The following RNLS variants were observed in gnomAD, a reference collection of about 807,000 sequenced individuals.
The protein encoded by RNLS is renalase.
A neutral mutation model predicts 39.8 loss-of-function variants in RNLS; 39 were observed. The observed-to-expected ratio is 0.98, with a 90% CI of 0.76 to 1.28. The LOEUF is 1.28. Ranked by LOEUF, RNLS falls within the 50% of genes most tolerant of loss-of-function variation. The pLI, the probability that RNLS is intolerant of heterozygous loss-of-function variation, is 0.00. For missense variants in RNLS, 410 were observed against 413.3 expected, an observed-to-expected ratio of 0.99 and a Z score of 0.07; for synonymous variants, 147 against 150.7, an observed-to-expected ratio of 0.98 and a Z score of 0.18.
At chr10:88,191,325 C>T in the RNLS span, among the ~76,000 whole-genome samples, 1 of 152,184 alleles carries the variant, frequency 6.6e-6, no homozygotes, top group Non-Finnish European at 1.5e-5. Context: ...ACTCTTGGGT[C>T]TGAGTCCCAG....
chr10:88,392,477 T>C (rs1321630876), intron 4 of RNLS, among the ~76,000 whole-genome samples: 1 of 152,204 alleles, frequency 6.6e-6, no homozygotes, highest in Non-Finnish European at 1.5e-5. Context: ...GTGCTCCAAA[T>C]GCACACAGAG....
At chr10:88,391,513 G>A (rs780587945) in intron 4 of RNLS, among the ~76,000 whole-genome samples, 5 of 152,128 alleles carry the variant, frequency 3.3e-5, no homozygotes, top group Admixed American at 6.5e-5. Flanking sequence ...AGCCAAGGTC[G>A]CGCCACTGCA....
At chr10:88,180,731 G>A in the RNLS span, among the ~76,000 whole-genome samples, 1 of 152,120 alleles carries the variant, frequency 6.6e-6, no homozygotes, top group Non-Finnish European at 1.5e-5. Context: ...AGATATACAA[G>A]TATTGAACAG....
intron 4 of RNLS, among the ~76,000 whole-genome samples, chr10:88,498,851 T>A (rs2134097530): frequency 6.6e-6 from 1 of 152,236 alleles, no homozygotes; most frequent in Admixed American, 6.5e-5. Context: ...ATAGGAATTC[T>A]TTGTAAATCT....
At chr10:88,456,424 T>C (rs1842630731) in intron 4 of RNLS, among the ~76,000 whole-genome samples, 1 of 152,008 alleles carries the variant, frequency 6.6e-6, no homozygotes, top group Non-Finnish European at 1.5e-5. Flanking sequence ...GGTAAAAATA[T>C]GAGTATGAGA....
chr10:88,575,212 GTGTATA>G (rs1227141022), intron 3 of RNLS, among the ~76,000 whole-genome samples: 2 of 100,402 alleles, frequency 2.0e-5, no homozygotes, highest in Admixed American at 2.2e-4. Context: ...ATATATGTGT[GTGTATA>G]TATATATATA....
the RNLS span, among the ~76,000 whole-genome samples, chr10:88,192,101 T>C: frequency 1.3e-5 from 2 of 151,970 alleles, no homozygotes; most frequent in Non-Finnish European, 2.9e-5. Context: ...AAGAGACAGA[T>C]TATCTTTATG....
In RNLS at chr10:88,429,181, C is replaced by T. The variant is rs375262436; in HGVS notation, c.527-66456G>A. 6.6e-5 allele frequency among the ~76,000 whole-genome samples: 10 copies of T among 151,884 alleles called. No individual in the cohort carries two copies. In the East Asian group the frequency reaches 7.7e-4, roughly 12 times the overall value. ...AAACCTGGGTTGGAGCCAGGGCCGC[C>T]ACTTTCTAGCAGTGGAATCTTGGAC... On this transcript the variant is annotated intron_variant, in intron 4 of 6. Coordinates refer to ENST00000331772, the MANE Select transcript of RNLS (RefSeq NM_001031709.3).
chr10:88,520,548 G>A (rs920914617), intron 4 of RNLS, among the ~76,000 whole-genome samples: 5 of 152,004 alleles, frequency 3.3e-5, no homozygotes, highest in Non-Finnish European at 7.4e-5. Context: ...TGGCATATTA[G>A]TTAAGAAAAG....
intron 4 of RNLS, among the ~76,000 whole-genome samples, chr10:88,530,129 C>T (rs180908366): frequency 5.9e-5 from 9 of 152,270 alleles, no homozygotes; most frequent in Non-Finnish European, 1.0e-4. Flanking sequence ...ATCCTGGCTC[C>T]AAGGCCTTTA....
chr10:88,572,320 A>G (rs1849885292), intron 4 of RNLS, among the ~76,000 whole-genome samples: 1 of 152,238 alleles, frequency 6.6e-6, no homozygotes, highest in Admixed American at 6.5e-5. Context: ...GAATAATGCT[A>G]AACCAACTGC....
the RNLS span, among the ~76,000 whole-genome samples, chr10:88,258,423 C>T: frequency 6.6e-6 from 1 of 152,150 alleles, no homozygotes; most frequent in African/African-American, 2.4e-5. Context: ...AACTCACTTG[C>T]TCTGATACAT....
intron 4 of RNLS, among the ~76,000 whole-genome samples, chr10:88,377,665 T>G (rs1319451605): frequency 6.6e-6 from 1 of 152,190 alleles, no homozygotes; most frequent in South Asian, 2.1e-4. Flanking sequence ...ACACTTACCA[T>G]AGATAGAGAT....
Position 88,306,362 on chromosome 10 carries a change from C to A in RNLS, c.876+8104G>T, listed in dbSNP as rs1312917971. On this transcript the variant is annotated intron_variant, in intron 6 of 6. Coordinates refer to ENST00000331772, the MANE Select transcript of RNLS (RefSeq NM_001031709.3). ...TGAAAGAGATTGAGACACAAAAAAA[C>A]CATTCAAAATATCGATGAATTCAGG... is the stretch of plus-strand genomic sequence containing the variant. Among the ~76,000 whole-genome samples the A allele has an allele frequency of 3.9e-5, 6 of 152,080 alleles. No homozygotes were observed. In the South Asian group the frequency reaches 6.2e-4, roughly 16 times the overall value.
chr10:88,204,147 G>A, the RNLS span, among the ~76,000 whole-genome samples: 1 of 152,136 alleles, frequency 6.6e-6, no homozygotes, highest in Non-Finnish European at 1.5e-5. Context: ...TCAGACCATG[G>A]TCTGTGCTTG....
At chr10:88,387,049 G>T (rs1851901265) in intron 4 of RNLS, among the ~76,000 whole-genome samples, 1 of 152,138 alleles carries the variant, frequency 6.6e-6, no homozygotes, top group African/African-American at 2.4e-5. Flanking sequence ...TGTAGCCAAG[G>T]GACATTAAGC....
At chr10:88,501,021 G>GTA (rs1564851376) in intron 4 of RNLS, among the ~76,000 whole-genome samples, 1 of 136,604 alleles carries the variant, frequency 7.3e-6, no homozygotes, top group African/African-American at 2.8e-5. Context: ...ATATATCTCT[G>GTA]TGTGTGTGTG....
rs576931696 is a variant in RNLS at position 88,291,648 on chromosome 10, G to C, written c.877-6142C>G. Among the ~76,000 whole-genome samples, 34 of 152,276 alleles carry C rather than the reference G, an allele frequency of 2.2e-4. No homozygotes were observed. The South Asian group carries it at 6.6e-3, about 30-fold the overall frequency. ...AATTCTATATACCAACCCTGGATTA[G>C]AAGATTACAGAAGGAACACATAATT... On this transcript the variant is annotated intron_variant, in intron 6 of 6. Transcript: ENST00000331772.
intron 4 of RNLS, among the ~76,000 whole-genome samples, chr10:88,512,923 T>C (rs756144079): frequency 1.3e-5 from 2 of 152,144 alleles, no homozygotes; most frequent in African/African-American, 2.4e-5. Context: ...GAACCTCTCT[T>C]TTTCTCAAGT....
Sources: allele counts gnomAD v4.1 joint callset (sites outside exome capture counted in the v4.1 genomes callset), GRCh38; gene constraint gnomAD v4.1.1; transcripts MANE v1.5; gene names NCBI Gene and HGNC (gene_info 2026-07-23, HGNC 2026-07-21).